FRMD4B: variants seen among roughly 807,000 people sequenced by gnomAD.
FRMD4B encodes FERM domain-containing protein 4B.
FRMD4B carries 74 observed loss-of-function variants against 141.5 expected under a neutral mutation model. The observed-to-expected ratio is 0.52, with a 90% CI of 0.43 to 0.63. The LOEUF is 0.63. FRMD4B is among the 30% of genes least tolerant of loss of function. The pLI is 0.00. For missense variants in FRMD4B, 1,366 were observed against 1,253.4 expected (o/e 1.09, Z -1.36); for synonymous variants, 506 against 467.9 (o/e 1.08, Z -1.05).
chr3:69,247,453 C>T (rs1038097169), intron 7 of FRMD4B, among the ~76,000 whole-genome samples: 2 of 152,164 alleles, frequency 1.3e-5, no homozygotes, highest in Non-Finnish European at 2.9e-5. Context: ...ATCTGATATT[C>T]CCAGGAAACG....
Position 69,281,838 on chromosome 3 carries a change from A to AAAT in FRMD4B, c.501+5913_501+5914insATT, listed in dbSNP as rs1553715921. ...GACTCCGTCTCAAAAAAAAAAAAAA[A>AAAT]ATATATATATATATTTTTGCTTACA... On this transcript the variant is annotated intron_variant, in intron 5 of 22. Coordinates refer to ENST00000398540, the MANE Select transcript of FRMD4B (RefSeq NM_015123.3). 4.8e-3 allele frequency among the ~76,000 whole-genome samples: 613 copies of AAAT among 128,210 alleles called. 2 individuals carry two copies. Among genetic ancestry groups the AAAT allele is most frequent in the African/African-American group, 0.011 (384 of 34,774 alleles). 84.1% of individuals were successfully genotyped at this position (128,210 alleles called of 152,430 possible).
chr3:69,269,121 C>A (rs906218833), intron 5 of FRMD4B, among the ~76,000 whole-genome samples: 6 of 151,266 alleles, frequency 4.0e-5, no homozygotes, highest in African/African-American at 1.2e-4. Flanking sequence ...TAGAGATGAG[C>A]TTTCTCCATG....
chr3:69,519,218 A>T (rs1189558088), intron 1 of FRMD4B, among the ~76,000 whole-genome samples: 1 of 152,218 alleles, frequency 6.6e-6, no homozygotes, highest in South Asian at 2.1e-4. Context: ...AAGGCAAGCC[A>T]TTAGACAAAG....
intron 7 of FRMD4B, among the ~76,000 whole-genome samples, chr3:69,231,517 A>G (rs2093305606): frequency 6.6e-6 from 1 of 152,188 alleles, no homozygotes; most frequent in African/African-American, 2.4e-5. Context: ...CGAACTCGTG[A>G]CCTCAGGTGA....
chr3:69,428,514 A>AT (rs958358128), intron 2 of FRMD4B, among the ~76,000 whole-genome samples: 4 of 151,144 alleles, frequency 2.6e-5, no homozygotes, highest in East Asian at 2.0e-4. Flanking sequence ...AGGAAAATAG[A>AT]TTTTTTTTCT....
At position 69,171,993 on chromosome 3, in the gene FRMD4B, A is replaced by C. The variant is rs570143625; in HGVS notation, c.2985-12T>G. The C allele has an allele frequency of 6.2e-6, 10 of 1,612,736 alleles. No individual in the cohort carries two copies. In the African/African-American group the frequency reaches 1.2e-4, roughly 19 times the overall value. ...TTTCTGTGTATTGTCTATTAAAGAAAACCAGAAAAGTTACTACTTGTGGCC... is the reference window on the plus strand; with the variant it reads ...TTTCTGTGTATTGTCTATTAAAGAACACCAGAAAAGTTACTACTTGTGGCC... On this transcript the variant is annotated splice_polypyrimidine_tract_variant and intron_variant, in intron 22 of 22. Transcript: ENST00000398540.
chr3:69,383,168 A>C (rs2106691522), intron 1 of FRMD4B, among the ~76,000 whole-genome samples: 1 of 152,322 alleles, frequency 6.6e-6, no homozygotes, highest in East Asian at 1.9e-4. Flanking sequence ...AGTAAGATTA[A>C]CTTACCCACG....
rs1553723944 is a variant in FRMD4B, at chr3:69,323,604, C to CTGTGTA, written c.163-10093_163-10088dup. Among the ~76,000 whole-genome samples the CTGTGTA allele has an allele frequency of 2.1e-3, 221 of 103,248 alleles. 2 individuals are homozygous for CTGTGTA. The highest frequency in any genetic ancestry group is 7.9e-3 in the African/African-American group (211 of 26,772). The allele number at this position is 103,248 out of a possible 152,430, so 67.7% of individuals were successfully genotyped here. A position where few individuals can be genotyped will look rare whatever the true frequency, so the allele number is the denominator to read the frequency against. ...AAAACCCAACTCTCTCTCTCTCTCT[C>CTGTGTA]TGTGTATATATATATATATATATAT... On this transcript the variant is annotated intron_variant, in intron 1 of 22. Coordinates refer to ENST00000398540, the MANE Select transcript of FRMD4B (RefSeq NM_015123.3).
chr3:69,465,834 T>C (rs1461992740), intron 1 of FRMD4B, among the ~76,000 whole-genome samples: 3 of 152,336 alleles, frequency 2.0e-5, no homozygotes, highest in Middle Eastern at 3.4e-3. Flanking sequence ...CTATTGTGAA[T>C]AGTGCCGCAA....
At chr3:69,203,063 T>A (rs1157227379) in intron 11 of FRMD4B, among the ~76,000 whole-genome samples, 1 of 150,360 alleles carries the variant, frequency 6.7e-6, no homozygotes, top group Middle Eastern at 3.2e-3. Flanking sequence ...CACAAGAAAT[T>A]CCCTTAACCC....
chr3:69,187,547 A>AT lies in FRMD4B; in HGVS notation c.1919+222_1919+223insA, dbSNP rs1307533515. On this transcript the variant is annotated intron_variant, in intron 19 of 22. Coordinates refer to ENST00000398540, the MANE Select transcript of FRMD4B (RefSeq NM_015123.3). ...AAGAGTGAAACTCCACCTCAAAAAAAAAAAAATATATATATATATACATAT... is the reference window on the plus strand; with the variant it reads ...AAGAGTGAAACTCCACCTCAAAAAAATAAAAAATATATATATATATACATAT... Among the ~76,000 whole-genome samples the AT allele has an allele frequency of 2.9e-3, 400 of 139,902 alleles. 3 individuals carry two copies. The highest frequency in any genetic ancestry group is 6.9e-3 in the African/African-American group (272 of 39,474). 91.8% of individuals were successfully genotyped at this position (139,902 alleles called of 152,430 possible).
intron 3 of FRMD4B, among the ~76,000 whole-genome samples, chr3:69,308,251 T>C (rs149520273): frequency 2.0e-5 from 3 of 152,214 alleles, no homozygotes; most frequent in African/African-American, 7.2e-5. Context: ...ATGTAGTACA[T>C]ACTATATAAG....
intron 1 of FRMD4B, among the ~76,000 whole-genome samples, chr3:69,374,202 T>G (rs1034587154): frequency 2.0e-5 from 3 of 152,204 alleles, no homozygotes; most frequent in Admixed American, 6.5e-5. Flanking sequence ...TCTTTAACCT[T>G]TATACCAAAC....
intron 19 of FRMD4B, among the ~76,000 whole-genome samples, chr3:69,185,122 A>C (rs759786655): frequency 1.2e-4 from 18 of 151,954 alleles, no homozygotes; most frequent in Non-Finnish European, 1.8e-4. Context: ...GCTAATATGA[A>C]ACACCGTCTC....
chr3:69,404,880 T>C (rs1170534290), intron 2 of FRMD4B, among the ~76,000 whole-genome samples: 1 of 152,166 alleles, frequency 6.6e-6, no homozygotes, highest in African/African-American at 2.4e-5. Context: ...GGGATCCTGA[T>C]TGTCTTCCTC....
intron 7 of FRMD4B, among the ~76,000 whole-genome samples, chr3:69,227,464 A>G (rs2093265291): frequency 6.6e-6 from 1 of 152,150 alleles, no homozygotes; most frequent in Non-Finnish European, 1.5e-5. Context: ...GGAGTTCAAG[A>G]CCAGCCTGAC....
intron 1 of FRMD4B, among the ~76,000 whole-genome samples, chr3:69,518,113 A>G (rs1439995243): frequency 6.6e-6 from 1 of 152,174 alleles, no homozygotes; most frequent in Non-Finnish European, 1.5e-5. Flanking sequence ...GACCCCTAGC[A>G]AATAGGAGAC....
At chr3:69,429,867 C>G (rs1480623647) in intron 2 of FRMD4B, among the ~76,000 whole-genome samples, 8 of 146,960 alleles carry the variant, frequency 5.4e-5, no homozygotes, top group African/African-American at 2.0e-4. Context: ...TGAAGTGATT[C>G]TCCTGCCTCA....
At chr3:69,316,114 C>G (rs41510248) in intron 1 of FRMD4B, among the ~76,000 whole-genome samples, 2 of 152,170 alleles carry the variant, frequency 1.3e-5, no homozygotes, top group African/African-American at 4.8e-5. Flanking sequence ...TGATCGAACT[C>G]TGCTTTAAGA....
Sources: allele counts gnomAD v4.1 joint callset (sites outside exome capture counted in the v4.1 genomes callset), GRCh38; gene constraint gnomAD v4.1.1; transcripts MANE v1.5; gene names NCBI Gene and HGNC (gene_info 2026-07-23, HGNC 2026-07-21).